Variants in RBFOX1 observed in about 807,000 individuals in gnomAD.
The protein encoded by RBFOX1 is RNA binding protein fox-1 homolog 1.
In RBFOX1, 8 loss-of-function variants were observed where a neutral mutation model predicts 57.7. The observed-to-expected ratio is 0.14, with a 90% CI of 0.08 to 0.25. RBFOX1 has a LOEUF of 0.25. RBFOX1 is among the 10% of genes least tolerant of loss of function. The pLI, the probability that RBFOX1 is intolerant of heterozygous loss-of-function variation, is 1.00. For missense variants in RBFOX1, 611 were observed against 548.5 expected, an observed-to-expected ratio of 1.11 and a Z score of -1.14; for synonymous variants, 326 against 222.4, an observed-to-expected ratio of 1.47 and a Z score of -4.15.
chr16:6,327,175 C>T (rs917726386), intron 2 of RBFOX1, among the ~76,000 whole-genome samples: 2 of 152,138 alleles, frequency 1.3e-5, no homozygotes, highest in African/African-American at 4.8e-5. Flanking sequence ...TCATCATGGG[C>T]TTGTGATTTG....
intron 3 of RBFOX1, among the ~76,000 whole-genome samples, chr16:5,612,490 G>C (rs2047860750): frequency 6.6e-6 from 1 of 152,196 alleles, no homozygotes; most frequent in South Asian, 2.1e-4. Context: ...TCATACAAAA[G>C]TATATCTACA....
chr16:6,480,050 G>GAAAA (rs78928257), intron 2 of RBFOX1, among the ~76,000 whole-genome samples: 1 of 119,752 alleles, frequency 8.4e-6, no homozygotes, highest in African/African-American at 3.0e-5. Context: ...ACTCCACCTC[G>GAAAA]AAAAAAAAAA....
intron 2 of RBFOX1, among the ~76,000 whole-genome samples, chr16:6,462,475 G>C (rs181775797): frequency 6.6e-6 from 1 of 152,086 alleles, no homozygotes; most frequent in African/African-American, 2.4e-5. Flanking sequence ...GTATGGATGC[G>C]TCACTATTTG....
At chr16:6,665,463 A>C (rs2098726128) in intron 3 of RBFOX1, among the ~76,000 whole-genome samples, 1 of 152,148 alleles carries the variant, frequency 6.6e-6, no homozygotes, top group Admixed American at 6.5e-5. Context: ...AAAATAAAAA[A>C]TATAAAAAAA....
At chr16:5,844,785 A>G (rs1304470233) in intron 3 of RBFOX1, among the ~76,000 whole-genome samples, 1 of 152,204 alleles carries the variant, frequency 6.6e-6, no homozygotes, top group African/African-American at 2.4e-5. Flanking sequence ...TTTGATTTTA[A>G]CAGAACTATC....
At chr16:7,579,977 T>A in intron 6 of RBFOX1, 57 bp downstream of exon 6, 1 of 1,571,992 alleles carries the variant, frequency 6.4e-7, no homozygotes. Context: ...GAGACCTCCC[T>A]GTCTCATGTA....
At chr16:6,331,646 C>T (rs1237805301) in intron 2 of RBFOX1, among the ~76,000 whole-genome samples, 1 of 149,974 alleles carries the variant, frequency 6.7e-6, no homozygotes, top group Non-Finnish European at 1.5e-5. Context: ...AATCTATCTT[C>T]TGTTTTCTAT....
At chr16:6,541,863 C>T (rs969214025) in intron 2 of RBFOX1, among the ~76,000 whole-genome samples, 1 of 152,040 alleles carries the variant, frequency 6.6e-6, no homozygotes, top group African/African-American at 2.4e-5. Context: ...AGCATCTGAA[C>T]AGATTAACCC....
intron 2 of RBFOX1, among the ~76,000 whole-genome samples, chr16:6,467,586 C>G (rs1597662289): frequency 6.6e-6 from 1 of 152,052 alleles, no homozygotes; most frequent in East Asian, 1.9e-4. Context: ...TTGCTCCAAG[C>G]TTTTGGAGGA....
chr16:7,646,865 A>G (rs992951898), intron 11 of RBFOX1, among the ~76,000 whole-genome samples: 5 of 152,142 alleles, frequency 3.3e-5, no homozygotes, highest in Non-Finnish European at 7.3e-5. Context: ...GGTAAGCACC[A>G]TGTTCGTAAA....
chr16:6,517,438 C>G (rs1030064569), intron 2 of RBFOX1, among the ~76,000 whole-genome samples: 5 of 152,144 alleles, frequency 3.3e-5, no homozygotes, highest in Non-Finnish European at 7.3e-5. Context: ...TCCTTCTCTG[C>G]TGGACAGAGA....
intron 2 of RBFOX1, among the ~76,000 whole-genome samples, chr16:6,642,501 C>G (rs2098500309): frequency 6.6e-6 from 1 of 151,910 alleles, no homozygotes; most frequent in Non-Finnish European, 1.5e-5. Context: ...CAGCAACCCT[C>G]GAGTTACCCG....
intron 3 of RBFOX1, among the ~76,000 whole-genome samples, chr16:5,823,561 G>A (rs1271695082): frequency 6.6e-6 from 1 of 152,160 alleles, no homozygotes; most frequent in East Asian, 1.9e-4. Flanking sequence ...ACAGAAGGAG[G>A]TGAGTTGCAG....
At chr16:7,005,745 G>C (rs1258714208) in intron 3 of RBFOX1, among the ~76,000 whole-genome samples, 2 of 152,152 alleles carry the variant, frequency 1.3e-5, no homozygotes, top group Non-Finnish European at 2.9e-5. Flanking sequence ...GATCATGTCT[G>C]AACTCAGTCC....
intron 10 of RBFOX1, among the ~76,000 whole-genome samples, chr16:7,612,345 A>T (rs2057670520): frequency 6.8e-6 from 1 of 147,186 alleles, no homozygotes; most frequent in Non-Finnish European, 1.5e-5. Flanking sequence ...AAAAAAAAAA[A>T]AAAAGACAAA....
At chr16:7,055,813 G>C (rs1210530790) in intron 4 of RBFOX1, among the ~76,000 whole-genome samples, 1 of 152,230 alleles carries the variant, frequency 6.6e-6, no homozygotes, top group East Asian at 1.9e-4. Flanking sequence ...GCTACAAAAG[G>C]AATTCACAGG....
intron 2 of RBFOX1, among the ~76,000 whole-genome samples, chr16:6,354,141 A>G (rs2152852860): frequency 6.6e-6 from 1 of 151,602 alleles, no homozygotes; most frequent in East Asian, 2.0e-4. Context: ...GATCGCTTGA[A>G]CTCAGGAGGT....
At chr16:7,041,093 T>C (rs951755668) in intron 3 of RBFOX1, among the ~76,000 whole-genome samples, 1 of 147,392 alleles carries the variant, frequency 6.8e-6, no homozygotes, top group Admixed American at 6.7e-5. Context: ...TTTTTTTTTT[T>C]TTTTTTTTTT....
chr16:5,604,462 C>T (rs1188513431), downstream of RBFOX1, among the ~76,000 whole-genome samples: 2 of 152,166 alleles, frequency 1.3e-5, no homozygotes, highest in Admixed American at 6.5e-5. Context: ...TAGAGGCCAC[C>T]TACGGTTCCC....
Sources: gnomAD v4.1 joint callset for allele counts (sites outside exome capture counted in the v4.1 genomes callset) on GRCh38, gnomAD v4.1.1 for gene constraint, MANE v1.5 for transcripts, NCBI Gene and HGNC (gene_info 2026-07-23, HGNC 2026-07-21) for gene names.